DRD3: variants seen among roughly 807,000 people sequenced by gnomAD.
DRD3 encodes dopamine receptor D3.
A neutral mutation model predicts 36.3 loss-of-function variants in DRD3; 19 were observed. The ratio of observed to expected loss-of-function variants is 0.52; its 90% CI spans 0.36 to 0.77. The LOEUF (loss-of-function observed/expected upper bound fraction) is 0.77. Among genes scored for constraint, DRD3 ranks in the 30% least tolerant of loss-of-function variants. The pLI is 0.00. For synonymous variants in DRD3, 195 were observed against 203.7 expected (o/e 0.96, Z 0.36); for missense variants, 465 against 505.3 (o/e 0.92, Z 0.77).
In DRD3 at chr3:114,132,601, T is replaced by C. The variant is rs1198177807; in HGVS notation, c.724-1201A>G. ...AAAAAAAAGCAGCACCCACCACATA[T>C]AGAACATTTGATAATCACAACAACC... On this transcript the variant is annotated intron_variant, in intron 5 of 6. Transcript: ENST00000383673. Among the ~76,000 whole-genome samples the C allele has an allele frequency of 2.7e-5, 4 of 149,406 alleles. No homozygotes were observed. In the South Asian group the frequency reaches 6.3e-4, roughly 24 times the overall value.
Position 114,172,934 on chromosome 3 carries a change from A to G in DRD3, c.-35-907T>C, listed in dbSNP as rs577366523. Among the ~76,000 whole-genome samples the G allele has an allele frequency of 2.6e-5, 4 of 151,682 alleles. No homozygotes were observed. The South Asian group carries it at 6.3e-4, about 24-fold the overall frequency. ...CCCCAAGCTCTAGAGGAGGTGCTAT[A>G]GAGGAGTCCACTCTGGTCTTCTGCT... On this transcript the variant is annotated intron_variant, in intron 1 of 6. Transcript: ENST00000383673.
At chr3:114,183,674 A>G (rs1235613547), upstream of DRD3, among the ~76,000 whole-genome samples, 1 of 151,996 alleles carries the variant, frequency 6.6e-6, no homozygotes, top group Non-Finnish European at 1.5e-5. Flanking sequence ...ATTAATATAT[A>G]ATACCCTTTT....
chr3:114,162,986 TTTA>T (rs2107870528), intron 2 of DRD3, among the ~76,000 whole-genome samples: 2 of 152,292 alleles, frequency 1.3e-5, no homozygotes, highest in South Asian at 4.1e-4. Context: ...CACAGACAGT[TTTA>T]TTTAATACCC....
rs77989704 is a variant in DRD3 at position 114,154,844 on chromosome 3, C to G, written c.383+4911G>C. Among the ~76,000 whole-genome samples the G allele has an allele frequency of 3.2e-3, 486 of 152,164 alleles. 3 individuals carry two copies. Among genetic ancestry groups the G allele is most frequent in the African/African-American group, 0.011 (464 of 41,492 alleles). On this transcript the variant is annotated intron_variant, in intron 3 of 6. Coordinates refer to ENST00000383673, the MANE Select transcript of DRD3 (RefSeq NM_000796.6). Reference sequence around the variant, plus strand: ...CTTCTGACACATTCTCAGCCCTCTCCCTGAGTTAGTTTGGACCCAGGATGT... The same window carrying G: ...CTTCTGACACATTCTCAGCCCTCTCGCTGAGTTAGTTTGGACCCAGGATGT...
chr3:114,197,276 A>ATT (rs2078042641), intron 1 of DRD3, among the ~76,000 whole-genome samples: 8 of 131,544 alleles, frequency 6.1e-5, no homozygotes, highest in East Asian at 2.0e-4. Context: ...TAATTAAAAA[A>ATT]ATTTTTTTTT....
At chr3:114,197,644 G>A (rs1479458829) in intron 1 of DRD3, among the ~76,000 whole-genome samples, 2 of 152,124 alleles carry the variant, frequency 1.3e-5, no homozygotes, top group African/African-American at 4.8e-5. Flanking sequence ...ATGGGTTGAA[G>A]TTCATATTTT....
At chr3:114,173,367 C>T (rs2077865403) in intron 1 of DRD3, among the ~76,000 whole-genome samples, 1 of 152,180 alleles carries the variant, frequency 6.6e-6, no homozygotes, top group Non-Finnish European at 1.5e-5. Context: ...GATGTTGTAA[C>T]CTCCCACAGT....
At chr3:114,149,655 T>G (rs545224285) in intron 3 of DRD3, among the ~76,000 whole-genome samples, 190 of 152,348 alleles carry the variant, frequency 1.2e-3, no homozygotes, top group African/African-American at 4.4e-3. Context: ...TTATCTTGAG[T>G]GGGCCTGACC....
chr3:114,140,519 C>T (rs560360463), intron 4 of DRD3, among the ~76,000 whole-genome samples: 31 of 152,264 alleles, frequency 2.0e-4, no homozygotes, highest in Non-Finnish European at 2.9e-4. Flanking sequence ...ATCTGCCAGG[C>T]GATGAGCCAA....
chr3:114,197,047 A>C (rs912832740), intron 1 of DRD3, among the ~76,000 whole-genome samples: 1 of 148,842 alleles, frequency 6.7e-6, no homozygotes, highest in Non-Finnish European at 1.5e-5. Flanking sequence ...GGTTAGTTAC[A>C]TATGTATACA....
At chr3:114,163,815 G>A (rs1007330199) in intron 2 of DRD3, among the ~76,000 whole-genome samples, 1 of 152,112 alleles carries the variant, frequency 6.6e-6, no homozygotes, top group Non-Finnish European at 1.5e-5. Flanking sequence ...CTGAGGGCCC[G>A]GGAGATAAGT....
chr3:114,159,235 T>A (rs80050649), intron 3 of DRD3, among the ~76,000 whole-genome samples: 2,935 of 152,190 alleles, frequency 0.019, 101 homozygotes, highest in African/African-American at 0.061. Context: ...GAGAAACATA[T>A]AGATCACAGC....
intron 5 of DRD3, among the ~76,000 whole-genome samples, chr3:114,138,791 T>C (rs11921329): frequency 0.012 from 1,826 of 152,302 alleles, 25 homozygotes; most frequent in African/African-American, 0.041. Flanking sequence ...TATTTGCTTT[T>C]CTAGATTCTA....
At chr3:114,198,982 G>T (rs2107910302) in intron 1 of DRD3, among the ~76,000 whole-genome samples, 1 of 152,142 alleles carries the variant, frequency 6.6e-6, no homozygotes, top group African/African-American at 2.4e-5. Context: ...TGGCCTCAAG[G>T]GATACACTCA....
At chr3:114,151,670 A>G (rs2077619140) in intron 3 of DRD3, among the ~76,000 whole-genome samples, 1 of 152,170 alleles carries the variant, frequency 6.6e-6, no homozygotes, top group African/African-American at 2.4e-5. Flanking sequence ...TGGGCCAACA[A>G]GTGTAGGGAA....
At chr3:114,132,081 A>G (rs2077436108) in intron 5 of DRD3, among the ~76,000 whole-genome samples, 2 of 152,380 alleles carry the variant, frequency 1.3e-5, no homozygotes, top group South Asian at 4.1e-4. Flanking sequence ...ATTATAAATC[A>G]TTCTACTGTA....
intron 3 of DRD3, among the ~76,000 whole-genome samples, chr3:114,149,919 C>T (rs937449376): frequency 1.3e-5 from 2 of 152,218 alleles, no homozygotes; most frequent in African/African-American, 4.8e-5. Flanking sequence ...ACCCAGTCTA[C>T]ACCTTGATTT....
intron 1 of DRD3, among the ~76,000 whole-genome samples, chr3:114,172,522 G>C (rs1266151593): frequency 1.3e-5 from 2 of 152,160 alleles, no homozygotes; most frequent in African/African-American, 2.4e-5. Context: ...GAGGGAGTCT[G>C]GTGAGGCTGG....
intron 2 of DRD3, among the ~76,000 whole-genome samples, chr3:114,170,133 G>A (rs559552722): frequency 6.6e-6 from 1 of 152,292 alleles, no homozygotes; most frequent in East Asian, 1.9e-4. Flanking sequence ...TTCTTGAACA[G>A]AAATATCACA....
Sources: allele counts gnomAD v4.1 joint callset (sites outside exome capture counted in the v4.1 genomes callset), GRCh38; gene constraint gnomAD v4.1.1; transcripts MANE v1.5; gene names NCBI Gene and HGNC (gene_info 2026-07-23, HGNC 2026-07-21).